Variants in LYRM4 observed in about 807,000 individuals in gnomAD.
LYRM4 encodes the protein LYR motif-containing protein 4.
Under a neutral mutation model 11.7 loss-of-function variants are expected in LYRM4, and 9 were observed. That is an observed-to-expected ratio of 0.77 (90% CI 0.46 to 1.34). The LOEUF is 1.34. Among genes scored for constraint, LYRM4 ranks in the 40% most tolerant of loss-of-function variants. The probability of loss-of-function intolerance (pLI) is 0.00; values close to 1 mark genes in which losing one functional copy is unlikely to be tolerated. For synonymous variants in LYRM4, 42 were observed against 40.4 expected, an observed-to-expected ratio of 1.04 and a Z score of -0.15; for missense variants, 133 against 112.5, an observed-to-expected ratio of 1.18 and a Z score of -0.82.
chr6:5,249,855 A>G (rs1468089272), intron 1 of LYRM4, among the ~76,000 whole-genome samples: 1 of 152,238 alleles, frequency 6.6e-6, no homozygotes, highest in Non-Finnish European at 1.5e-5. Context: ...GGTGGGATTC[A>G]GTGTGAAGAA....
chr6:5,109,520 G>A (rs759616133), intron 2 of LYRM4, 29 bp from the exon 3 acceptor site: 32 of 1,604,276 alleles, frequency 2.0e-5, no homozygotes, highest in Non-Finnish European at 2.5e-5. Flanking sequence ...CACAGGTCAG[G>A]AACCGTGGCC....
At chr6:5,234,211 G>A (rs573030869) in intron 1 of LYRM4, among the ~76,000 whole-genome samples, 1 of 152,190 alleles carries the variant, frequency 6.6e-6, no homozygotes, top group Admixed American at 6.5e-5. Flanking sequence ...TAGTTTTGGG[G>A]AAAATTTCAC....
At chr6:5,111,743 C>T (rs1348073317) in intron 2 of LYRM4, among the ~76,000 whole-genome samples, 2 of 152,222 alleles carry the variant, frequency 1.3e-5, no homozygotes, top group African/African-American at 4.8e-5. Flanking sequence ...TGGAAAGGCC[C>T]TGGGATGGGT....
chr6:5,189,337 A>G (rs1241203587), intron 2 of LYRM4, among the ~76,000 whole-genome samples: 1 of 151,734 alleles, frequency 6.6e-6, no homozygotes, highest in African/African-American at 2.4e-5. Flanking sequence ...GCCTAAGGTT[A>G]GTGGTTAGCC....
At chr6:5,117,545 C>CAA (rs558199881) in intron 2 of LYRM4, among the ~76,000 whole-genome samples, 53 of 121,192 alleles carry the variant, frequency 4.4e-4, no homozygotes, top group African/African-American at 1.1e-3. Flanking sequence ...GACTCTGTCT[C>CAA]AAAAAAAAAA....
At chr6:5,211,263 GAC>G in intron 2 of LYRM4, among the ~76,000 whole-genome samples, 1 of 152,124 alleles carries the variant, frequency 6.6e-6, no homozygotes, top group Non-Finnish European at 1.5e-5. Context: ...TGCAGTGACT[GAC>G]AATGAGAGAG....
chr6:5,115,858 C>T (rs898658708), intron 2 of LYRM4, among the ~76,000 whole-genome samples: 5 of 152,056 alleles, frequency 3.3e-5, no homozygotes, highest in South Asian at 2.1e-4. Flanking sequence ...TACAGAGATG[C>T]GTGTCTGTCT....
chr6:5,212,659 C>T (rs954536493), intron 2 of LYRM4, among the ~76,000 whole-genome samples: 3 of 152,194 alleles, frequency 2.0e-5, no homozygotes. Flanking sequence ...TTTACAGAAT[C>T]ATCTTATATG....
chr6:5,085,973 G>C, the LYRM4 span: 1 of 1,527,114 alleles, frequency 6.5e-7, no homozygotes, highest in South Asian at 1.2e-5. Context: ...GTGCTCTCGC[G>C]CCTCCGAAGC....
the LYRM4 span, among the ~76,000 whole-genome samples, chr6:5,079,650 G>A: frequency 6.6e-6 from 1 of 152,206 alleles, no homozygotes; most frequent in Non-Finnish European, 1.5e-5. Context: ...GAGAGAAGAA[G>A]ATGGATTAGA....
intron 2 of LYRM4, among the ~76,000 whole-genome samples, chr6:5,172,121 T>G (rs76761913): frequency 6.6e-6 from 1 of 152,082 alleles, no homozygotes; most frequent in Admixed American, 6.5e-5. Context: ...TCAGGAACCC[T>G]TCACCATCCC....
intron 1 of LYRM4, among the ~76,000 whole-genome samples, chr6:5,237,298 C>T (rs1055521816): frequency 7.9e-5 from 12 of 151,970 alleles, no homozygotes; most frequent in Non-Finnish European, 1.3e-4. Context: ...GAGCACAAAC[C>T]CTATTGTGAA....
At chr6:5,171,860 G>A (rs1362148723) in intron 2 of LYRM4, among the ~76,000 whole-genome samples, 3 of 152,164 alleles carry the variant, frequency 2.0e-5, no homozygotes, top group African/African-American at 7.2e-5. Flanking sequence ...TTTTTAGGTT[G>A]AAGGGATACG....
chr6:5,200,890 C>T (rs1043412726), intron 2 of LYRM4, among the ~76,000 whole-genome samples: 20 of 152,144 alleles, frequency 1.3e-4, no homozygotes, highest in Non-Finnish European at 1.5e-4. Flanking sequence ...GTAAAAGTCC[C>T]GTCTTTGAAG....
chr6:5,155,762 T>C (rs1047088512), intron 2 of LYRM4, among the ~76,000 whole-genome samples: 2 of 152,332 alleles, frequency 1.3e-5, no homozygotes, highest in East Asian at 1.9e-4. Flanking sequence ...CACATGTTAA[T>C]GTACGGAGGA....
At chr6:5,043,488 A>G in the LYRM4 span, 1 of 152,186 alleles carries the variant, frequency 6.6e-6, no homozygotes, top group Admixed American at 6.5e-5. Flanking sequence ...AGTCTCATCC[A>G]TCATTGCTGC....
At chr6:5,178,670 G>A (rs1048463808) in intron 2 of LYRM4, among the ~76,000 whole-genome samples, 3 of 150,502 alleles carry the variant, frequency 2.0e-5, no homozygotes, top group South Asian at 2.1e-4. Flanking sequence ...AAAATTAGCC[G>A]GGCCTGCACC....
At chr6:5,192,281 A>C (rs1384208772) in intron 2 of LYRM4, among the ~76,000 whole-genome samples, 1 of 151,920 alleles carries the variant, frequency 6.6e-6, no homozygotes, top group Non-Finnish European at 1.5e-5. Flanking sequence ...TGGTGGAGGG[A>C]CCCTGTGTGG....
At chr6:5,225,271 G>GT (rs1197575770) in intron 1 of LYRM4, among the ~76,000 whole-genome samples, 13 of 142,970 alleles carry the variant, frequency 9.1e-5, no homozygotes, top group African/African-American at 3.3e-4. Context: ...AAAAAAAGAT[G>GT]TTTAAAAAAA....
Sources: gnomAD v4.1 joint callset for allele counts (sites outside exome capture counted in the v4.1 genomes callset) on GRCh38, gnomAD v4.1.1 for gene constraint, MANE v1.5 for transcripts, NCBI Gene and HGNC (gene_info 2026-07-23, HGNC 2026-07-21) for gene names.